Variants in NR2F1-AS1 observed in about 807,000 individuals in gnomAD.
The protein encoded by NR2F1-AS1 is NR2F1 regulatory antisense RNA 1.
rs374382511 is a variant in NR2F1-AS1, at chr5:93,426,204, T to G, written n.639-30662A>C. Among the ~76,000 whole-genome samples the G allele has an allele frequency of 3.3e-5, 5 of 150,582 alleles. No individual in the cohort carries two copies. The South Asian group carries it at 1.0e-3, about 31-fold the overall frequency. On this transcript the variant is annotated intron_variant and non_coding_transcript_variant, in intron 4 of 5. Transcript: ENST00000660523. ...CTGGGATTACAGGCACAAACCACCA[T>G]GCCCAGCTAATTTTTGTATTTTTAG...
At chr5:93,504,728 G>T (rs983933427) in intron 4 of NR2F1-AS1, among the ~76,000 whole-genome samples, 1 of 152,100 alleles carries the variant, frequency 6.6e-6, no homozygotes, top group Non-Finnish European at 1.5e-5. Context: ...CTGAAACTTA[G>T]TCACTGTCAT....
At chr5:93,478,035 T>A (rs1429548370) in intron 4 of NR2F1-AS1, among the ~76,000 whole-genome samples, 1 of 152,160 alleles carries the variant, frequency 6.6e-6, no homozygotes, top group African/African-American at 2.4e-5. Context: ...TGTACTCAGC[T>A]TTTTTAAATG....
intron 4 of NR2F1-AS1, among the ~76,000 whole-genome samples, chr5:93,442,208 C>T (rs1749586031): frequency 6.6e-6 from 1 of 152,198 alleles, no homozygotes; most frequent in African/African-American, 2.4e-5. Flanking sequence ...ACAGTGGGTG[C>T]AGCCCACAGA....
intron 4 of NR2F1-AS1, among the ~76,000 whole-genome samples, chr5:93,512,474 A>T (rs1482004678): frequency 6.6e-6 from 1 of 152,216 alleles, no homozygotes; most frequent in Non-Finnish European, 1.5e-5. Flanking sequence ...TTTATTAAAA[A>T]GGTTAATTTA....
rs545032907 is a variant in NR2F1-AS1, at chr5:93,538,887, G to A, written n.638+14874C>T. Among the ~76,000 whole-genome samples the A allele has an allele frequency of 2.0e-4, 31 of 152,138 alleles. No homozygotes were observed. In the South Asian group the frequency reaches 4.6e-3, roughly 22 times the overall value. ...ATTAGCCTTTGAAAAAATTGGTTTC[G>A]TTATACATCACTTCACTTAAAGTCA... On this transcript the variant is annotated intron_variant and non_coding_transcript_variant, in intron 4 of 5. Coordinates refer to ENST00000660523, the Ensembl canonical transcript of NR2F1-AS1.
intron 4 of NR2F1-AS1, among the ~76,000 whole-genome samples, chr5:93,475,679 A>T (rs1750468642): frequency 6.6e-6 from 1 of 152,196 alleles, no homozygotes; most frequent in African/African-American, 2.4e-5. Context: ...CAACTCAGTA[A>T]AACAGTTGCT....
chr5:93,440,516 A>G (rs1301463204), intron 4 of NR2F1-AS1, among the ~76,000 whole-genome samples: 1 of 152,178 alleles, frequency 6.6e-6, no homozygotes, highest in Non-Finnish European at 1.5e-5. Context: ...CTTGTACAAG[A>G]CTGGAACTTA....
intron 4 of NR2F1-AS1, among the ~76,000 whole-genome samples, chr5:93,421,412 C>T (rs1477767828): frequency 6.6e-6 from 1 of 151,912 alleles, no homozygotes; most frequent in African/African-American, 2.4e-5. Flanking sequence ...TCAACAGTCC[C>T]CAAAGTTATA....
intron 4 of NR2F1-AS1, among the ~76,000 whole-genome samples, chr5:93,519,713 C>G (rs1005566993): frequency 6.6e-5 from 10 of 151,822 alleles, no homozygotes; most frequent in Admixed American, 4.6e-4. Context: ...TAATGTTTAA[C>G]AAAAAGAAAA....
intron 4 of NR2F1-AS1, among the ~76,000 whole-genome samples, chr5:93,530,817 A>C (rs1177165579): frequency 6.6e-6 from 1 of 152,168 alleles, no homozygotes; most frequent in South Asian, 2.1e-4. Flanking sequence ...AGACTGGGTT[A>C]TATCCTTCAT....
intron 4 of NR2F1-AS1, among the ~76,000 whole-genome samples, chr5:93,465,149 TG>T (rs1242356044): frequency 6.6e-6 from 1 of 152,192 alleles, no homozygotes; most frequent in East Asian, 1.9e-4. Flanking sequence ...ACCTACAGAA[TG>T]GGAGAAAATT....
Position 93,448,647 on chromosome 5 carries a change from A to AAGCTTTC in NR2F1-AS1, n.639-53106_639-53105insGAAAGCT, listed in dbSNP as rs1178686158. ...AGTCCCAACATCTGCTGCCAGCTGA[A>AAGCTTTC]AGCTGGCAGGCTTGAGACCCAAAAA... On this transcript the variant is annotated intron_variant and non_coding_transcript_variant, in intron 4 of 5. Transcript: ENST00000660523. Among the ~76,000 whole-genome samples, 73 of 152,370 alleles carry AAGCTTTC rather than the reference A, an allele frequency of 4.8e-4. 1 individual carries two copies. The highest frequency in any genetic ancestry group is 1.7e-3 in the African/African-American group (69 of 41,598).
At chr5:93,414,473 AG>A (rs1050366033) in intron 4 of NR2F1-AS1, among the ~76,000 whole-genome samples, 53 of 152,348 alleles carry the variant, frequency 3.5e-4, no homozygotes, top group African/African-American at 1.2e-3. Flanking sequence ...TCTGTGGCTA[AG>A]GTGAGAACAT....
intron 4 of NR2F1-AS1, among the ~76,000 whole-genome samples, chr5:93,464,521 T>C (rs1451235905): frequency 1.3e-5 from 2 of 152,216 alleles, no homozygotes; most frequent in African/African-American, 2.4e-5. Context: ...GTTTTTTAAG[T>C]ATTTTAAAAT....
At chr5:93,562,531 C>T (rs539421821) in intron 2 of NR2F1-AS1, among the ~76,000 whole-genome samples, 2 of 152,140 alleles carry the variant, frequency 1.3e-5, no homozygotes, top group African/African-American at 4.8e-5. Flanking sequence ...TGAGCTCAAG[C>T]GATCCATCCA....
At chr5:93,545,998 A>T (rs1752076143) in intron 4 of NR2F1-AS1, among the ~76,000 whole-genome samples, 1 of 152,194 alleles carries the variant, frequency 6.6e-6, no homozygotes, top group Non-Finnish European at 1.5e-5. Flanking sequence ...TGGGATAGGA[A>T]AAAATCATGG....
chr5:93,435,379 T>A (rs138245310), intron 4 of NR2F1-AS1, among the ~76,000 whole-genome samples: 1 of 152,206 alleles, frequency 6.6e-6, no homozygotes, highest in African/African-American at 2.4e-5. Flanking sequence ...CCCATCATAA[T>A]TGGAGCTGTA....
At chr5:93,496,423 T>TA (rs1750961752) in intron 4 of NR2F1-AS1, among the ~76,000 whole-genome samples, 1 of 152,178 alleles carries the variant, frequency 6.6e-6, no homozygotes, top group Non-Finnish European at 1.5e-5. Context: ...TTGGCCCTTG[T>TA]AGAAGGACAC....
chr5:93,445,320 AAAAG>A (rs1343185968), intron 4 of NR2F1-AS1, among the ~76,000 whole-genome samples: 3 of 152,298 alleles, frequency 2.0e-5, no homozygotes, highest in African/African-American at 4.8e-5. Flanking sequence ...TAATAAAGAG[AAAAG>A]AAAGAATCAA....
Sources: allele counts gnomAD v4.1 joint callset (sites outside exome capture counted in the v4.1 genomes callset), GRCh38; gene constraint gnomAD v4.1.1; transcripts MANE v1.5; gene names NCBI Gene and HGNC (gene_info 2026-07-23, HGNC 2026-07-21).